The following NEGR1 variants were observed in gnomAD, a reference collection of about 807,000 sequenced individuals.
NEGR1 encodes neuronal growth regulator 1, also known as IgLON family member 4.
NEGR1 carries 10 observed loss-of-function variants against 40.9 expected under a neutral mutation model. That is an observed-to-expected ratio of 0.24 (90% CI 0.15 to 0.42). The LOEUF is 0.42. Among genes scored for constraint, NEGR1 ranks in the 10% least tolerant of loss-of-function variants. NEGR1 has a pLI of 1.00. For missense variants in NEGR1, 352 were observed against 438.9 expected (o/e 0.80, Z 1.77); for synonymous variants, 185 against 166.8 (o/e 1.11, Z -0.84).
chr1:71,867,775 T>C (rs1189150215), intron 2 of NEGR1, among the ~76,000 whole-genome samples: 1 of 152,210 alleles, frequency 6.6e-6, no homozygotes, highest in African/African-American at 2.4e-5. Context: ...ATGAAGTAAC[T>C]AGGTATTCTT....
chr1:72,102,554 A>G (rs746569002), intron 1 of NEGR1, among the ~76,000 whole-genome samples: 2 of 152,056 alleles, frequency 1.3e-5, no homozygotes, highest in Non-Finnish European at 2.9e-5. Context: ...CTAGGTCGGT[A>G]ATCATGCTGG....
intron 1 of NEGR1, among the ~76,000 whole-genome samples, chr1:72,153,872 G>T (rs1424627494): frequency 6.6e-6 from 1 of 151,584 alleles, no homozygotes; most frequent in African/African-American, 2.4e-5. Flanking sequence ...GAAGAAAGGT[G>T]GTCTTGAGGT....
intron 1 of NEGR1, among the ~76,000 whole-genome samples, chr1:71,991,279 AATAC>A (rs1646448468): frequency 6.6e-6 from 1 of 152,094 alleles, no homozygotes. Context: ...TAATCTTCTT[AATAC>A]TATGTAATAG....
intron 6 of NEGR1, among the ~76,000 whole-genome samples, chr1:71,454,667 C>T (rs573553075): frequency 1.3e-5 from 2 of 152,240 alleles, no homozygotes; most frequent in South Asian, 4.1e-4. Flanking sequence ...ACATTTTGGA[C>T]CAGAAGGTCC....
At chr1:72,053,626 T>C (rs894366092) in intron 1 of NEGR1, among the ~76,000 whole-genome samples, 2 of 151,112 alleles carry the variant, frequency 1.3e-5, no homozygotes, top group Non-Finnish European at 1.5e-5. Context: ...AGTAAGGTAA[T>C]TAACATTAAA....
At chr1:71,437,335 T>C (rs1237282293) in intron 6 of NEGR1, among the ~76,000 whole-genome samples, 1 of 152,096 alleles carries the variant, frequency 6.6e-6, no homozygotes, top group Non-Finnish European at 1.5e-5. Flanking sequence ...GTTCTAAAAT[T>C]GATGTGGTGA....
chr1:72,103,794 G>A (rs1389558302), intron 1 of NEGR1, among the ~76,000 whole-genome samples: 3 of 152,060 alleles, frequency 2.0e-5, no homozygotes, highest in East Asian at 1.9e-4. Flanking sequence ...AGGGAAGTGG[G>A]GTGTTGACAG....
chr1:71,727,889 G>A (rs1654723757), intron 3 of NEGR1, among the ~76,000 whole-genome samples: 1 of 152,094 alleles, frequency 6.6e-6, no homozygotes, highest in Non-Finnish European at 1.5e-5. Flanking sequence ...AACAGCCAGT[G>A]GGGTGCGAAG....
At chr1:72,013,690 A>T (rs1646680882) in intron 1 of NEGR1, among the ~76,000 whole-genome samples, 1 of 152,070 alleles carries the variant, frequency 6.6e-6, no homozygotes, top group Admixed American at 6.6e-5. Context: ...TCTGATGCTT[A>T]TGAGCACTTC....
Position 71,592,881 on chromosome 1 carries a change from G to A in NEGR1, c.876C>T (p.Phe292=), listed in dbSNP as rs766137505. Reference sequence around the variant, plus strand: ...TGGCAGCCACACAGGTATAATTGCCGAAGTGCTCCTGTGTCACGTTGGTAA... The same window carrying A: ...TGGCAGCCACACAGGTATAATTGCCAAAGTGCTCCTGTGTCACGTTGGTAA... ...LTVTNVTQEH[F]GNYTCVAANK... The change falls in exon 6 of 7, where the codon TTC becomes TTT. Residue 292 remains phenylalanine (F), a synonymous_variant. Transcript: ENST00000357731. 28 of 1,612,606 alleles carry A rather than the reference G, an allele frequency of 1.7e-5. No individual in the cohort carries two copies. Among genetic ancestry groups the A allele is most frequent in the Admixed American group, 1.5e-4 (9 of 59,990 alleles).
chr1:71,419,940 A>C (rs915822931), intron 6 of NEGR1, among the ~76,000 whole-genome samples: 1 of 151,984 alleles, frequency 6.6e-6, no homozygotes, highest in Non-Finnish European at 1.5e-5. Context: ...AAACATGCAC[A>C]GTGATGCCAG....
chr1:71,847,143 A>C (rs573777886), intron 2 of NEGR1, among the ~76,000 whole-genome samples: 2 of 152,302 alleles, frequency 1.3e-5, no homozygotes, highest in East Asian at 3.9e-4. Context: ...AGTCAGAAGC[A>C]CTGAGGTCAA....
chr1:72,248,575 T>TTTATTATTACTA (rs1654979384), intron 1 of NEGR1, among the ~76,000 whole-genome samples: 1 of 132,962 alleles, frequency 7.5e-6, no homozygotes, highest in South Asian at 2.5e-4. Flanking sequence ...TCTATTTTTA[T>TTTATTATTACTA]TTATTATTAT....
intron 2 of NEGR1, among the ~76,000 whole-genome samples, chr1:71,898,962 A>ATT (rs1661058032): frequency 1.8e-5 from 2 of 113,718 alleles, no homozygotes; most frequent in African/African-American, 7.2e-5. Flanking sequence ...ATATATATAT[A>ATT]GCATATATAT....
At chr1:71,513,576 T>C (rs1415063185) in intron 6 of NEGR1, among the ~76,000 whole-genome samples, 1 of 152,230 alleles carries the variant, frequency 6.6e-6, no homozygotes, top group Non-Finnish European at 1.5e-5. Context: ...ATGAAGTACA[T>C]AGAATTTGTA....
chr1:71,504,680 C>A (rs1044713419), intron 6 of NEGR1, among the ~76,000 whole-genome samples: 1 of 152,256 alleles, frequency 6.6e-6, no homozygotes, highest in African/African-American at 2.4e-5. Flanking sequence ...GAGTGGCTTG[C>A]TCCTCTCTAA....
intron 4 of NEGR1, among the ~76,000 whole-genome samples, chr1:71,639,209 A>T (rs1651265096): frequency 6.6e-6 from 1 of 150,774 alleles, no homozygotes; most frequent in East Asian, 2.0e-4. Flanking sequence ...GTTCAGGGAA[A>T]AAAAAAAAAA....
At chr1:71,622,704 G>C (rs2101554785) in intron 4 of NEGR1, among the ~76,000 whole-genome samples, 1 of 151,910 alleles carries the variant, frequency 6.6e-6, no homozygotes, top group East Asian at 1.9e-4. Flanking sequence ...ATTCGAGATA[G>C]GTGAAGTCAA....
chr1:71,424,059 C>T (rs903704999), intron 6 of NEGR1, among the ~76,000 whole-genome samples: 2 of 147,230 alleles, frequency 1.4e-5, no homozygotes, highest in African/African-American at 5.0e-5. Context: ...GCATAACTGT[C>T]AGACGCTAAT....
Sources: gnomAD v4.1 joint callset for allele counts (sites outside exome capture counted in the v4.1 genomes callset) on GRCh38, gnomAD v4.1.1 for gene constraint, MANE v1.5 for transcripts, NCBI Gene and HGNC (gene_info 2026-07-23, HGNC 2026-07-21) for gene names.